RNF128: variants seen among roughly 807,000 people sequenced by gnomAD.
The protein encoded by RNF128 is ring finger protein 128.
Under a neutral mutation model 26.2 loss-of-function variants are expected in RNF128, and 13 were observed. The observed-to-expected ratio is 0.50, with a 90% CI of 0.32 to 0.79. The LOEUF (loss-of-function observed/expected upper bound fraction) is 0.79. RNF128 is among the 30% of genes least tolerant of loss of function. The pLI is 0.03. For missense variants in RNF128, 315 were observed against 349.7 expected, an observed-to-expected ratio of 0.90 and a Z score of 0.79; for synonymous variants, 149 against 142.5, an observed-to-expected ratio of 1.05 and a Z score of -0.32.
At chrX:106,764,405 G>A (rs1363327469) in intron 1 of RNF128, among the ~76,000 whole-genome samples, 2 of 110,690 alleles carry the variant, frequency 1.8e-5, no homozygotes, top group African/African-American at 3.3e-5. Flanking sequence ...AGTGGCTGAC[G>A]CCTCTAATCC....
chrX:106,764,325 C>T (rs1162682245), intron 1 of RNF128, among the ~76,000 whole-genome samples: 2 of 110,671 alleles, frequency 1.8e-5, no homozygotes, highest in African/African-American at 6.6e-5. Context: ...AGTATCCACC[C>T]CTGCCACCTA....
At chrX:106,703,133 T>TC (rs1418404628) in intron 1 of RNF128, among the ~76,000 whole-genome samples, 1 of 111,640 alleles carries the variant, frequency 9.0e-6, no homozygotes, top group Non-Finnish European at 1.9e-5. Flanking sequence ...CATTGACATC[T>TC]CCCCCGTGGA....
intron 1 of RNF128, among the ~76,000 whole-genome samples, chrX:106,745,384 A>G (rs999576025): frequency 8.9e-6 from 1 of 112,023 alleles, no homozygotes; most frequent in Admixed American, 9.5e-5. Flanking sequence ...GCTTTAATCA[A>G]CAGCTAATCT....
chrX:106,706,795 A>G (rs1469001818), intron 1 of RNF128, among the ~76,000 whole-genome samples: 1 of 112,446 alleles, frequency 8.9e-6, no homozygotes, highest in Non-Finnish European at 1.9e-5. Context: ...ATTAAATTAC[A>G]TAATGCATAT....
upstream of RNF128, among the ~76,000 whole-genome samples, chrX:106,724,031 T>C (rs771103761): frequency 9.0e-6 from 1 of 111,261 alleles, no homozygotes; most frequent in Non-Finnish European, 1.9e-5. Flanking sequence ...CACACAGTTC[T>C]ACCTGGTTAC....
intron 1 of RNF128, among the ~76,000 whole-genome samples, chrX:106,766,660 A>C (rs1930251865): frequency 2.7e-5 from 3 of 111,815 alleles, no homozygotes; most frequent in Admixed American, 9.6e-5. Context: ...CCCATTCTGT[A>C]GGTTGCCTGT....
intron 1 of RNF128, among the ~76,000 whole-genome samples, chrX:106,696,796 C>T (rs192272831): frequency 2.7e-5 from 3 of 111,528 alleles, no homozygotes; most frequent in African/African-American, 3.3e-5. Flanking sequence ...AGCCAAAGAC[C>T]GCTAGCAACA....
upstream of RNF128, among the ~76,000 whole-genome samples, chrX:106,722,530 C>T (rs139701141): frequency 1.5e-4 from 17 of 111,540 alleles, no homozygotes; most frequent in East Asian, 3.4e-3. Flanking sequence ...TAGAGGAATA[C>T]GGTTGGGTAA....
At chrX:106,789,326 C>A (rs1930767203) in intron 4 of RNF128, among the ~76,000 whole-genome samples, 1 of 94,615 alleles carries the variant, frequency 1.1e-5, no homozygotes, top group Admixed American at 1.3e-4. Flanking sequence ...CCAGTACTAT[C>A]CTTATATTTA....
chrX:106,714,418 C>T (rs1929179874), intron 1 of RNF128, among the ~76,000 whole-genome samples: 2 of 111,470 alleles, frequency 1.8e-5, no homozygotes, highest in Non-Finnish European at 3.8e-5. Flanking sequence ...TGTAGATTTA[C>T]ATGCAGTTGT....
Position 106,727,370 on chromosome X carries a change from A to G in RNF128, c.457A>G (p.Asn153Asp), listed in dbSNP as rs773137829. The G allele has an allele frequency of 8.2e-5, 99 of 1,208,710 alleles. No homozygotes were observed. The highest frequency in any genetic ancestry group is 2.3e-4 in the Middle Eastern group (1 of 4,373). Residue 153 changes from asparagine (N) to aspartate (D), a missense_variant, in exon 1 of 7, where the codon AAT (asparagine) becomes GAT (aspartate). Physicochemically the swap from Asn to Asp is conservative, Grantham distance 23. Transcript: ENST00000255499. Reference sequence around the variant, plus strand: ...CATCTTTAACTTCCCCGGGACCCGCAATGAGGTCATCCCCATGTCTCACCC... The same window carrying G: ...CATCTTTAACTTCCCCGGGACCCGCGATGAGGTCATCCCCATGTCTCACCC... ...AVIFNFPGTR[N>D]EVIPMSHPGA...
chrX:106,718,257 A>G (rs1569436409), intron 1 of RNF128, among the ~76,000 whole-genome samples: 1 of 111,458 alleles, frequency 9.0e-6, no homozygotes, highest in African/African-American at 3.3e-5. Flanking sequence ...TTGAAGATAA[A>G]CTTAATGAGC....
intron 2 of RNF128, among the ~76,000 whole-genome samples, chrX:106,784,248 G>T (rs755534907): frequency 9.0e-6 from 1 of 111,184 alleles, no homozygotes; most frequent in East Asian, 2.8e-4. Context: ...TTTTCCTCTG[G>T]CTAGTTCACC....
rs1277332655 is a variant in RNF128 at position 106,713,127 on chromosome X, AC to A, written c.406+18725del. On this transcript the variant is annotated intron_variant, in intron 1 of 6. Transcript: ENST00000324342. ...AACTCCAGAGCTCAAGTCGTCCCCC[AC>A]CCCCCGCCTTGGGCACCCAAAGTGC... Among the ~76,000 whole-genome samples the A allele has an allele frequency of 7.0e-5, 7 of 100,032 alleles. No individual in the cohort carries two copies. The East Asian group carries it at 2.2e-3, about 32-fold the overall frequency. 86.9% of individuals were successfully genotyped at this position (100,032 alleles called of 115,157 possible).
chrX:106,746,920 C>A (rs1929803218), intron 1 of RNF128, among the ~76,000 whole-genome samples: 1 of 111,285 alleles, frequency 9.0e-6, no homozygotes, highest in Non-Finnish European at 1.9e-5. Context: ...GAATCTGTAA[C>A]TACTATATAC....
intron 1 of RNF128, among the ~76,000 whole-genome samples, chrX:106,764,244 C>G (rs142977849): frequency 9.1e-6 from 1 of 109,682 alleles, no homozygotes; most frequent in Non-Finnish European, 1.9e-5. Context: ...GAATTACAGG[C>G]GTGAGCCACC....
At chrX:106,789,796 A>T (rs1378390645) in intron 4 of RNF128, among the ~76,000 whole-genome samples, 5 of 109,289 alleles carry the variant, frequency 4.6e-5, no homozygotes, top group Non-Finnish European at 9.5e-5. Flanking sequence ...CATTGCCTAA[A>T]GCATCAGTAC....
intron 1 of RNF128, among the ~76,000 whole-genome samples, chrX:106,771,418 C>A (rs1026356033): frequency 1.8e-5 from 2 of 112,649 alleles, no homozygotes; most frequent in African/African-American, 6.5e-5. Context: ...TGAGCTTGCC[C>A]GCCACTTTGT....
At chrX:106,713,914 G>A (rs1461383730) in intron 1 of RNF128, among the ~76,000 whole-genome samples, 2 of 111,408 alleles carry the variant, frequency 1.8e-5, no homozygotes, top group Non-Finnish European at 3.8e-5. Flanking sequence ...GGTGGCTCAC[G>A]CCTGTAATCC....
Sources: allele counts gnomAD v4.1 joint callset (sites outside exome capture counted in the v4.1 genomes callset), GRCh38; gene constraint gnomAD v4.1.1; transcripts MANE v1.5; gene names NCBI Gene and HGNC (gene_info 2026-07-23, HGNC 2026-07-21).